Variants in SMPX observed in about 807,000 individuals in gnomAD.
SMPX encodes small muscle protein X-linked.
SMPX carries 2 observed loss-of-function variants against 6.3 expected under a neutral mutation model. That is an observed-to-expected ratio of 0.32 (90% confidence interval 0.13 to 0.99). The LOEUF is 0.99. Ranked by LOEUF, SMPX falls within the 50% of genes least tolerant of loss-of-function variation. The probability of loss-of-function intolerance (pLI) is 0.49; values close to 1 mark genes in which losing one functional copy is unlikely to be tolerated. For synonymous variants in SMPX, 32 were observed against 24.7 expected (o/e 1.30, Z -0.88); for missense variants, 60 against 66.8 (o/e 0.90, Z 0.36).
At chrX:21,743,700 T>C in intron 3 of SMPX, 50 bp downstream of exon 3, 1 of 1,083,325 alleles carries the variant, frequency 9.2e-7, no homozygotes, top group Non-Finnish European at 1.3e-6. Flanking sequence ...CTGGTGAGGA[T>C]TTTAGAAGGG....
chrX:21,723,504 A>G (rs569684839), intron 4 of SMPX, among the ~76,000 whole-genome samples: 2 of 112,178 alleles, frequency 1.8e-5, no homozygotes, highest in South Asian at 3.8e-4. Flanking sequence ...TGGACCTGAA[A>G]TGATCTCTGT....
At chrX:21,713,156 A>G (rs1382175136) in intron 4 of SMPX, among the ~76,000 whole-genome samples, 1 of 112,280 alleles carries the variant, frequency 8.9e-6, no homozygotes, top group African/African-American at 3.2e-5. Context: ...TATGAGGCAA[A>G]GATATGACTA....
intron 4 of SMPX, chrX:21,733,648 G>A (rs1158886652): frequency 6.3e-6 from 2 of 318,056 alleles, no homozygotes; most frequent in Non-Finnish European, 1.2e-5. Context: ...ATTATTCTTA[G>A]GTTTTACCTT....
At chrX:21,756,949 G>A (rs1443121676) in intron 1 of SMPX, among the ~76,000 whole-genome samples, 1 of 112,263 alleles carries the variant, frequency 8.9e-6, no homozygotes, top group Non-Finnish European at 1.9e-5. Context: ...AGTTCTGTAA[G>A]TCAGTGGGGA....
chrX:21,747,638 T>C (rs559729833), intron 2 of SMPX, among the ~76,000 whole-genome samples: 1 of 111,554 alleles, frequency 9.0e-6, no homozygotes, highest in East Asian at 2.8e-4. Flanking sequence ...CCCCAGTGGG[T>C]TGGATTCTGA....
At chrX:21,757,826 G>A in intron 1 of SMPX, 116 bp downstream of exon 1, 1 of 265,369 alleles carries the variant, frequency 3.8e-6, no homozygotes, top group South Asian at 3.6e-5. Flanking sequence ...GAATTTACAA[G>A]GAAGCTACAC....
At chrX:21,720,727 T>C (rs925382523) in intron 4 of SMPX, among the ~76,000 whole-genome samples, 2 of 112,075 alleles carry the variant, frequency 1.8e-5, no homozygotes, top group African/African-American at 3.2e-5. Flanking sequence ...AGCCAGACTC[T>C]AGAGAGGTGG....
chrX:21,736,175 G>A (rs1316637415), intron 4 of SMPX, among the ~76,000 whole-genome samples: 1 of 112,268 alleles, frequency 8.9e-6, no homozygotes, highest in Non-Finnish European at 1.9e-5. Context: ...AAACATCCTA[G>A]TAAGTCAGTG....
chrX:21,754,747 C>T (rs1299175580), intron 1 of SMPX, among the ~76,000 whole-genome samples: 1 of 112,251 alleles, frequency 8.9e-6, no homozygotes, highest in African/African-American at 3.2e-5. Flanking sequence ...AGTGCCTCCT[C>T]TTTGTTGAAC....
intron 3 of SMPX, among the ~76,000 whole-genome samples, chrX:21,740,733 G>A (rs1425541888): frequency 8.9e-6 from 1 of 112,340 alleles, no homozygotes; most frequent in African/African-American, 3.2e-5. Context: ...AGAAGACTCA[G>A]GCACAGAAGG....
intron 2 of SMPX, among the ~76,000 whole-genome samples, chrX:21,747,833 C>G (rs1050104598): frequency 7.2e-5 from 8 of 111,471 alleles, no homozygotes; most frequent in African/African-American, 2.6e-4. Flanking sequence ...TTCAGATGAC[C>G]CCCTACTGAT....
chrX:21,716,362 G>A (rs1266158183), intron 4 of SMPX, among the ~76,000 whole-genome samples: 2 of 112,181 alleles, frequency 1.8e-5, no homozygotes, highest in African/African-American at 6.5e-5. Flanking sequence ...ATCAACAAAT[G>A]TTTCCTGAGT....
intron 4 of SMPX, among the ~76,000 whole-genome samples, chrX:21,726,543 T>C (rs2147379616): frequency 8.9e-6 from 1 of 111,813 alleles, no homozygotes; most frequent in South Asian, 3.8e-4. Flanking sequence ...ATAGCTCCCA[T>C]GGTATGCAGA....
At chrX:21,713,217 A>C (rs180721175) in intron 4 of SMPX, among the ~76,000 whole-genome samples, 1 of 112,006 alleles carries the variant, frequency 8.9e-6, no homozygotes, top group Admixed American at 9.5e-5. Context: ...AGACGAATGG[A>C]ACTAGAGTTT....
chrX:21,720,284 C>G (rs945495671), intron 4 of SMPX, among the ~76,000 whole-genome samples: 15 of 112,172 alleles, frequency 1.3e-4, no homozygotes, highest in African/African-American at 4.5e-4. Context: ...ATTCAAGCAG[C>G]CCAATGGGTG....
At position 21,743,929 on chromosome X, in the gene SMPX, T is replaced by G. The variant is rs974477127; in HGVS notation, c.46-93A>C. On this transcript the variant is annotated intron_variant, in intron 2 of 4. Transcript: ENST00000379494. The stretch of plus-strand genomic sequence containing the variant: ...TAATCGTTGTGAAGAAAAATGCGTC[T>G]GAAAAGTACATCTTCAAAGCTTTTT... 7.6e-6 allele frequency: 5 copies of G among 655,505 alleles called. No homozygotes were observed. The African/African-American group carries it at 8.6e-5, about 11-fold the overall frequency. The allele number at this position is 655,505 out of a possible 1,213,427, so 54.0% of individuals were successfully genotyped here.
At chrX:21,720,836 T>C (rs2147376652) in intron 4 of SMPX, among the ~76,000 whole-genome samples, 1 of 112,516 alleles carries the variant, frequency 8.9e-6, no homozygotes, top group East Asian at 2.8e-4. Context: ...CACCCAGTGA[T>C]TAGTCCTTAG....
chrX:21,711,610 T>C (rs1280268244), intron 4 of SMPX, among the ~76,000 whole-genome samples: 1 of 111,995 alleles, frequency 8.9e-6, no homozygotes, highest in African/African-American at 3.2e-5. Context: ...CTGAGGAACA[T>C]GTGATGTTTA....
intron 3 of SMPX, among the ~76,000 whole-genome samples, chrX:21,741,989 G>A (rs1569308285): frequency 1.8e-5 from 2 of 112,194 alleles, no homozygotes; most frequent in Non-Finnish European, 1.9e-5. Flanking sequence ...AGAGAGCAAA[G>A]TGCTTCCCCA....
Sources: gnomAD v4.1 joint callset for allele counts (sites outside exome capture counted in the v4.1 genomes callset) on GRCh38, gnomAD v4.1.1 for gene constraint, MANE v1.5 for transcripts, NCBI Gene and HGNC (gene_info 2026-07-23, HGNC 2026-07-21) for gene names.